The following TLL1 variants were observed in gnomAD, a reference collection of about 807,000 sequenced individuals.
The protein encoded by TLL1 is tolloid-like protein 1.
In TLL1, 49 loss-of-function variants were observed where a neutral mutation model predicts 128.2. That is an observed-to-expected ratio of 0.38 (90% CI 0.30 to 0.48). The LOEUF is 0.48. Among genes scored for constraint, TLL1 ranks in the 20% least tolerant of loss-of-function variants. The pLI is 0.96. For synonymous variants in TLL1, 454 were observed against 418.8 expected (o/e 1.08, Z -1.03); for missense variants, 1,123 against 1,242.0 (o/e 0.90, Z 1.44).
chr4:165,874,222 T>G, intron 1 of TLL1, 149 bp downstream of exon 1: 2 of 959,730 alleles, frequency 2.1e-6, no homozygotes, highest in Non-Finnish European at 3.2e-6. Flanking sequence ...TTTCCTTCCC[T>G]TCCCCACCCG....
intron 1 of TLL1, among the ~76,000 whole-genome samples, chr4:165,923,973 T>A (rs1003190494): frequency 2.6e-5 from 4 of 152,164 alleles, no homozygotes; most frequent in Non-Finnish European, 5.9e-5. Context: ...CTTGGAATTG[T>A]TTTGGAGCAC....
intron 1 of TLL1, among the ~76,000 whole-genome samples, chr4:165,914,673 G>T (rs1324992843): frequency 6.6e-6 from 1 of 152,104 alleles, no homozygotes; most frequent in Non-Finnish European, 1.5e-5. Flanking sequence ...AGTCCCTTGG[G>T]GGTGACATGG....
chr4:165,927,840 C>T (rs74717094), intron 1 of TLL1, among the ~76,000 whole-genome samples: 3,022 of 152,302 alleles, frequency 0.02, 48 homozygotes, highest in Non-Finnish European at 0.031. Context: ...TCCAAAATTA[C>T]AGTAGGGCTG....
chr4:165,902,015 C>G (rs983665340), intron 1 of TLL1, among the ~76,000 whole-genome samples: 1 of 152,110 alleles, frequency 6.6e-6, no homozygotes, highest in African/African-American at 2.4e-5. Flanking sequence ...CTGCCGAGTT[C>G]GAACTTCTGG....
At chr4:166,026,458 G>A (rs1186806987) in intron 9 of TLL1, among the ~76,000 whole-genome samples, 1 of 152,156 alleles carries the variant, frequency 6.6e-6, no homozygotes, top group East Asian at 1.9e-4. Flanking sequence ...AGGCTGAGGA[G>A]GGTGGATCAC....
In TLL1 at chr4:165,873,713, A is replaced by G. The variant is rs1345624610; in HGVS notation, c.-192A>G. ...CCAACTTCTCCCTGCGACTGGGGGT[A>G]ACAGGCAGTGCTTGCCCTCTCTACT... On this transcript the variant is annotated 5_prime_UTR_variant, in exon 1 of 21. Transcript: ENST00000061240. The G allele has an allele frequency of 3.4e-6, 2 of 587,602 alleles. No homozygotes were observed. The highest frequency in any genetic ancestry group is 6.0e-6 in the Non-Finnish European group (2 of 332,354). The allele number at this position is 587,602 out of a possible 1,614,324, so 36.4% of individuals were successfully genotyped here. A position where few individuals can be genotyped will look rare whatever the true frequency, so the allele number is the denominator to read the frequency against.
chr4:165,914,679 C>T (rs950018538), intron 1 of TLL1, among the ~76,000 whole-genome samples: 13 of 152,100 alleles, frequency 8.5e-5, no homozygotes, highest in Non-Finnish European at 1.5e-4. Context: ...TTGGGGGTGA[C>T]ATGGAGTGCG....
intron 16 of TLL1, among the ~76,000 whole-genome samples, chr4:166,071,551 A>C (rs980177814): frequency 7.2e-5 from 11 of 152,006 alleles, no homozygotes; most frequent in Non-Finnish European, 1.3e-4. Context: ...AGAAAATTTC[A>C]AATAAATTAT....
At chr4:165,922,213 C>T (rs146682065) in intron 1 of TLL1, among the ~76,000 whole-genome samples, 4 of 152,216 alleles carry the variant, frequency 2.6e-5, no homozygotes, top group Admixed American at 2.6e-4. Flanking sequence ...TTTATTCTGG[C>T]CTTCATAGTT....
rs554162813 is a variant in TLL1, at chr4:165,947,057, G to A, written c.170-42324G>A. Among the ~76,000 whole-genome samples the A allele has an allele frequency of 3.5e-3, 534 of 152,180 alleles. 1 individual carries two copies. The highest frequency in any genetic ancestry group is 0.012 in the African/African-American group (514 of 41,552). On this transcript the variant is annotated intron_variant, in intron 1 of 20. Transcript: ENST00000061240. ...TTGTCAGCAAGATGTCACAGACTGG[G>A]TGGAATAAAAACAAATTTATTCTTC...
At chr4:166,079,828 G>T (rs1290327168) in intron 18 of TLL1, among the ~76,000 whole-genome samples, 1 of 152,056 alleles carries the variant, frequency 6.6e-6, no homozygotes, top group Non-Finnish European at 1.5e-5. Flanking sequence ...TGGATATTCA[G>T]TTCATTTTTT....
intron 1 of TLL1, among the ~76,000 whole-genome samples, chr4:165,901,151 AG>A (rs1411590151): frequency 6.6e-6 from 1 of 152,038 alleles, no homozygotes; most frequent in Non-Finnish European, 1.5e-5. Flanking sequence ...ACTTTTTTCA[AG>A]GTTCTTAGTT....
intron 3 of TLL1, among the ~76,000 whole-genome samples, chr4:165,993,574 C>T (rs1041786846): frequency 6.6e-6 from 1 of 152,166 alleles, no homozygotes; most frequent in Non-Finnish European, 1.5e-5. Context: ...AAAAGACAGA[C>T]ATGTTAGAGA....
chr4:165,894,196 G>T (rs1731555432), intron 1 of TLL1, among the ~76,000 whole-genome samples: 1 of 152,084 alleles, frequency 6.6e-6, no homozygotes, highest in Non-Finnish European at 1.5e-5. Flanking sequence ...AGATCTGTGT[G>T]ATCTAATGAT....
At chr4:165,985,415 G>C (rs983324816) in intron 1 of TLL1, among the ~76,000 whole-genome samples, 3 of 151,992 alleles carry the variant, frequency 2.0e-5, no homozygotes, top group African/African-American at 7.2e-5. Flanking sequence ...ATTTTCTCCT[G>C]AGTGGACAGA....
chr4:166,103,964 A>G lies in TLL1; in HGVS notation c.*3088A>G, dbSNP rs1305357975. ...ACTTAAATGGACAAAATAACTTTTTAAAAGAAATGGATGAGAAGTAATTGT... is the reference window on the plus strand; with the variant it reads ...ACTTAAATGGACAAAATAACTTTTTGAAAGAAATGGATGAGAAGTAATTGT... On this transcript the variant is annotated 3_prime_UTR_variant, in exon 21 of 21. Coordinates refer to ENST00000061240, the MANE Select transcript of TLL1 (RefSeq NM_012464.5). 4 of 152,050 alleles carry G rather than the reference A, an allele frequency of 2.6e-5. No individual in the cohort carries two copies. Among genetic ancestry groups the G allele is most frequent in the Non-Finnish European group, 2.9e-5 (2 of 67,894 alleles). The allele number at this position is 152,050 out of a possible 1,614,324, so 9.4% of individuals were successfully genotyped here.
chr4:165,959,826 G>T (rs913476810), intron 1 of TLL1, among the ~76,000 whole-genome samples: 7 of 151,986 alleles, frequency 4.6e-5, no homozygotes, highest in African/African-American at 1.7e-4. Flanking sequence ...TAAATCTTTG[G>T]GATGCAGCAA....
chr4:166,039,602 A>G (rs1739153674), intron 10 of TLL1, among the ~76,000 whole-genome samples, 161 bp downstream of exon 10: 1 of 152,180 alleles, frequency 6.6e-6, no homozygotes, highest in African/African-American at 2.4e-5. Flanking sequence ...AAATACTCAA[A>G]GACAAATGGA....
intron 3 of TLL1, among the ~76,000 whole-genome samples, chr4:165,993,921 C>T (rs977467267): frequency 1.3e-5 from 2 of 151,994 alleles, no homozygotes; most frequent in African/African-American, 4.8e-5. Flanking sequence ...ATATAGTATT[C>T]TTAATTTTAG....
Sources: allele counts gnomAD v4.1 joint callset (sites outside exome capture counted in the v4.1 genomes callset), GRCh38; gene constraint gnomAD v4.1.1; transcripts MANE v1.5; gene names NCBI Gene and HGNC (gene_info 2026-07-23, HGNC 2026-07-21).